CHAT: variants seen among roughly 807,000 people sequenced by gnomAD.
The protein encoded by CHAT is acetyl CoA:choline O-acetyltransferase.
In CHAT, 61 loss-of-function variants were observed where a neutral mutation model predicts 76.9. The ratio of observed to expected loss-of-function variants is 0.79; its 90% CI spans 0.65 to 0.98. The LOEUF is 0.98. Among genes scored for constraint, CHAT ranks in the 50% least tolerant of loss-of-function variants. CHAT has a pLI of 0.00. For missense variants in CHAT, 946 were observed against 986.9 expected (o/e 0.96, Z 0.56); for synonymous variants, 407 against 397.4 (o/e 1.02, Z -0.29).
intron 8 of CHAT, 66 bp from the exon 9 acceptor site, chr10:49,648,441 G>A (rs952056755): frequency 7.0e-6 from 9 of 1,285,680 alleles, no homozygotes; most frequent in Non-Finnish European, 1.0e-5. Flanking sequence ...GCCTAACCTG[G>A]GGCCAAGGGG....
At chr10:49,642,068 T>TGTCAA (rs1475591350) in intron 7 of CHAT, among the ~76,000 whole-genome samples, 1 of 152,144 alleles carries the variant, frequency 6.6e-6, no homozygotes, top group Non-Finnish European at 1.5e-5. Context: ...TGGGCATGGG[T>TGTCAA]GTCAGAGCAG....
At chr10:49,611,912 G>A (rs1838309003), upstream of CHAT, 4 of 1,612,060 alleles carry the variant, frequency 2.5e-6, no homozygotes, top group Non-Finnish European at 3.4e-6. Flanking sequence ...TGCGGCCTCT[G>A]TTTTGGCATA....
intron 2 of CHAT, among the ~76,000 whole-genome samples, chr10:49,619,423 C>T (rs529468674): frequency 1.3e-5 from 2 of 152,320 alleles, no homozygotes; most frequent in South Asian, 2.1e-4. Context: ...GCTGATTTGC[C>T]CAAGTTTGCA....
At chr10:49,638,226 G>A (rs185233613) in intron 7 of CHAT, among the ~76,000 whole-genome samples, 2 of 152,266 alleles carry the variant, frequency 1.3e-5, no homozygotes, top group East Asian at 3.9e-4. Context: ...GCTCTAAAGT[G>A]TACTTTACCT....
At chr10:49,610,688 G>T, upstream of CHAT, 15 of 1,444,032 alleles carry the variant, frequency 1.0e-5, no homozygotes, top group Non-Finnish European at 1.4e-5. Context: ...ACTGCGGGAC[G>T]CCAGCGCTCG....
At chr10:49,647,086 C>G (rs902846942) in intron 8 of CHAT, 3 of 231,938 alleles carry the variant, frequency 1.3e-5, no homozygotes, top group African/African-American at 6.7e-5. Context: ...ATAATAATTT[C>G]TGATGCCCAG....
At chr10:49,625,434 C>G in intron 5 of CHAT, 39 bp from the exon 6 acceptor site, 2 of 1,599,116 alleles carry the variant, frequency 1.3e-6, no homozygotes, top group Non-Finnish European at 1.7e-6. Flanking sequence ...CACCCACCAT[C>G]CCCTCGTGGC....
Position 49,634,391 on chromosome 10 carries a change from G to T in CHAT, c.1111+6606G>T, listed in dbSNP as rs115640862. 7.0e-3 allele frequency among the ~76,000 whole-genome samples: 1,066 copies of T among 152,344 alleles called. 10 individuals are homozygous for T. The highest frequency in any genetic ancestry group is 0.024 in the African/African-American group (1,010 of 41,586). Reference sequence around the variant, plus strand: ...CTTATTAGATTTGGGGATCACGCTGGGGATGCTTTGCCCAATGCCCACAAC... The same window carrying T: ...CTTATTAGATTTGGGGATCACGCTGTGGATGCTTTGCCCAATGCCCACAAC... On this transcript the variant is annotated intron_variant, in intron 7 of 14. Coordinates refer to ENST00000337653, the MANE Select transcript of CHAT (RefSeq NM_020549.5).
At chr10:49,664,562 A>C (rs1336213492) in intron 14 of CHAT, among the ~76,000 whole-genome samples, 1 of 152,226 alleles carries the variant, frequency 6.6e-6, no homozygotes, top group Non-Finnish European at 1.5e-5. Flanking sequence ...CAGATTGCAC[A>C]CCAGGGAGTG....
Position 49,627,718 on chromosome 10 carries a change from T to A in CHAT, c.1044T>A (p.Pro348=), listed in dbSNP as rs200009054. The change falls in exon 7 of 15, where the codon CCT becomes CCA. Residue 348 remains proline (P), a synonymous_variant. Coordinates refer to ENST00000337653, the MANE Select transcript of CHAT (RefSeq NM_020549.5). ...CTTCCAACGAGGACGAGCGTTTGCC[T>A]CCAATTGGCCTGCTGACGTCTGACG... is the stretch of plus-strand genomic sequence containing the variant. ...KMASNEDERL[P]PIGLLTSDGR... 1.7e-5 allele frequency: 27 copies of A among 1,614,108 alleles called. No individual in the cohort carries two copies. The East Asian group carries it at 4.9e-4, about 29-fold the overall frequency.
chr10:49,611,240 T>C, upstream of CHAT: 2 of 1,613,718 alleles, frequency 1.2e-6, no homozygotes, highest in Non-Finnish European at 1.7e-6. Context: ...GCCTCTACAG[T>C]CCTGTTCGCC....
intron 7 of CHAT, among the ~76,000 whole-genome samples, chr10:49,640,199 TCTCA>T (rs1394000864): frequency 1.3e-5 from 2 of 152,152 alleles, no homozygotes; most frequent in Non-Finnish European, 2.9e-5. Flanking sequence ...TGAGACGGAG[TCTCA>T]CTCTGTTGCC....
At position 49,664,799 on chromosome 10, in the gene CHAT, T is replaced by C; in HGVS notation, c.2000T>C (p.Phe667Ser). The change falls in exon 15 of 15, where the codon TTC (phenylalanine) becomes TCC (serine). Residue 667 changes from phenylalanine (F) to serine (S), a missense_variant. Coordinates refer to ENST00000337653, the MANE Select transcript of CHAT (RefSeq NM_020549.5). ...TSQVPTTTEM[F>S]CCYGPVVPNG... ...CAGGTGCCCACAACCACGGAGATGT[T>C]CTGCTGCTATGGTCCTGTGGTCCCA... 1 of 1,614,200 alleles carries C rather than the reference T, an allele frequency of 6.2e-7. No homozygotes were observed. Among genetic ancestry groups the C allele is most frequent in the Non-Finnish European group, 8.5e-7 (1 of 1,180,022 alleles).
chr10:49,619,429 T>G (rs1838615635), intron 2 of CHAT, among the ~76,000 whole-genome samples: 1 of 152,224 alleles, frequency 6.6e-6, no homozygotes, highest in Non-Finnish European at 1.5e-5. Context: ...TTGCCCAAGT[T>G]TGCAGAGCTG....
At chr10:49,661,395 T>C (rs746268462) in intron 13 of CHAT, 2 of 152,236 alleles carry the variant, frequency 1.3e-5, no homozygotes, top group Non-Finnish European at 2.9e-5. Context: ...CTCACCGTTC[T>C]TTCCTTCGGT....
chr10:49,640,190 G>A (rs888279450), intron 7 of CHAT, among the ~76,000 whole-genome samples: 32 of 151,450 alleles, frequency 2.1e-4, no homozygotes, highest in African/African-American at 7.8e-4. Flanking sequence ...TTATTTATTT[G>A]AGACGGAGTC....
At chr10:49,612,494 C>T (rs745794403), upstream of CHAT, 9 of 717,116 alleles carry the variant, frequency 1.3e-5, no homozygotes, top group Non-Finnish European at 2.1e-5. Flanking sequence ...CTCCCTGTGA[C>T]CCGTTCCATA....
At chr10:49,630,043 G>T (rs1438532057) in intron 7 of CHAT, among the ~76,000 whole-genome samples, 1 of 152,126 alleles carries the variant, frequency 6.6e-6, no homozygotes, top group Non-Finnish European at 1.5e-5. Flanking sequence ...CAGGGTCGGG[G>T]AGTGGGTACA....
chr10:49,614,314 G>A lies in CHAT; in HGVS notation c.125G>A (p.Arg42His), dbSNP rs1475607266. The A allele has an allele frequency of 4.5e-6, 7 of 1,547,724 alleles. No homozygotes were observed. Among genetic ancestry groups the A allele is most frequent in the Admixed American group, 2.0e-5 (1 of 50,976 alleles). Residue 42 changes from arginine to histidine, a missense_variant, in exon 1 of 15, where the codon CGC becomes CAC. By Grantham distance (29) the Arg-to-His change is conservative. Transcript: ENST00000337653. The stretch of plus-strand genomic sequence containing the variant: ...GCTTGCTTTCTCCAGTCGGGTGGCC[G>A]CGGGGACCCGGGCGACGTCGGAGGC... ...RPACFLQSGGRGDPGDVGGPA... is the reference protein window; with the variant it reads ...RPACFLQSGGHGDPGDVGGPA...
Sources: allele counts gnomAD v4.1 joint callset (sites outside exome capture counted in the v4.1 genomes callset), GRCh38; gene constraint gnomAD v4.1.1; transcripts MANE v1.5; gene names NCBI Gene and HGNC (gene_info 2026-07-23, HGNC 2026-07-21).